Variants in PPFIA2 observed in about 807,000 individuals in gnomAD.
PPFIA2 encodes the protein liprin-alpha-2.
PPFIA2 carries 46 observed loss-of-function variants against 175.5 expected under a neutral mutation model. The observed-to-expected ratio is 0.26, with a 90% CI of 0.21 to 0.34. PPFIA2 has a LOEUF of 0.34. Ranked by LOEUF, PPFIA2 falls within the 10% of genes least tolerant of loss-of-function variation. The pLI, the probability that PPFIA2 is intolerant of heterozygous loss-of-function variation, is 1.00. For synonymous variants in PPFIA2, 568 were observed against 511.4 expected, an observed-to-expected ratio of 1.11 and a Z score of -1.49; for missense variants, 1,179 against 1,506.1, an observed-to-expected ratio of 0.78 and a Z score of 3.60.
chr12:81,445,780 A>G (rs753424521), intron 5 of PPFIA2, 60 bp from the exon 6 acceptor site: 44 of 1,488,762 alleles, frequency 3.0e-5, no homozygotes, highest in Non-Finnish European at 4.0e-5. Flanking sequence ...ATACTTACAA[A>G]TGACTTCCCC....
At chr12:81,691,851 T>C (rs1305356603) in intron 3 of PPFIA2, among the ~76,000 whole-genome samples, 5 of 152,046 alleles carry the variant, frequency 3.3e-5, no homozygotes, top group Non-Finnish European at 2.9e-5. Context: ...AAAAGATAAA[T>C]TTTATTTTAT....
At chr12:81,368,503 T>C (rs188819514) in intron 13 of PPFIA2, among the ~76,000 whole-genome samples, 24 of 151,924 alleles carry the variant, frequency 1.6e-4, no homozygotes, top group African/African-American at 5.5e-4. Context: ...TATGAACATG[T>C]GAATATAAAA....
At chr12:81,327,053 A>G (rs2054936523) in intron 21 of PPFIA2, among the ~76,000 whole-genome samples, 2 of 152,086 alleles carry the variant, frequency 1.3e-5, no homozygotes, top group South Asian at 4.1e-4. Context: ...GCAAATTTTG[A>G]TGTTACTGTT....
chr12:81,425,850 T>A (rs1469674787), intron 7 of PPFIA2, among the ~76,000 whole-genome samples: 1 of 152,170 alleles, frequency 6.6e-6, no homozygotes, highest in Non-Finnish European at 1.5e-5. Context: ...TTTATCAACA[T>A]GTTATTAATT....
At chr12:81,445,216 G>T (rs1333622791) in intron 6 of PPFIA2, among the ~76,000 whole-genome samples, 1 of 106,192 alleles carries the variant, frequency 9.4e-6, no homozygotes, top group Non-Finnish European at 1.8e-5. Flanking sequence ...TGGGGGGGGG[G>T]GAGGGGGGAG....
intron 22 of PPFIA2, among the ~76,000 whole-genome samples, chr12:81,301,447 G>A (rs1300968174): frequency 6.6e-6 from 1 of 152,088 alleles, no homozygotes; most frequent in Non-Finnish European, 1.5e-5. Flanking sequence ...TCTATGAGTT[G>A]TACAAAAGCT....
chr12:81,484,570 C>G (rs1291398665), intron 4 of PPFIA2, among the ~76,000 whole-genome samples: 1 of 151,882 alleles, frequency 6.6e-6, no homozygotes, highest in African/African-American at 2.4e-5. Flanking sequence ...TAAGTATACT[C>G]CCATGAATTC....
At chr12:81,705,965 A>G (rs1286473729) in intron 3 of PPFIA2, among the ~76,000 whole-genome samples, 1 of 152,198 alleles carries the variant, frequency 6.6e-6, no homozygotes, top group Non-Finnish European at 1.5e-5. Context: ...TGTTAAAATG[A>G]TATTTTGGAT....
intron 8 of PPFIA2, among the ~76,000 whole-genome samples, chr12:81,396,302 G>A (rs1428440348): frequency 6.6e-6 from 1 of 152,022 alleles, no homozygotes; most frequent in Non-Finnish European, 1.5e-5. Context: ...ATCTAACTGG[G>A]CTGGCAGACA....
chr12:81,357,489 G>T (rs758315862), intron 16 of PPFIA2, among the ~76,000 whole-genome samples: 31 of 152,164 alleles, frequency 2.0e-4, no homozygotes, highest in Non-Finnish European at 1.2e-4. Flanking sequence ...CAAACAGCTT[G>T]CAAATTTTAA....
intron 22 of PPFIA2, among the ~76,000 whole-genome samples, chr12:81,314,193 AC>A (rs1364046287): frequency 6.6e-6 from 1 of 151,862 alleles, no homozygotes; most frequent in Non-Finnish European, 1.5e-5. Flanking sequence ...GTTATAAATG[AC>A]CCATATTTTG....
In PPFIA2 at chr12:81,375,868, T is replaced by C; in HGVS notation, c.1059A>G (p.Glu353=). 1 of 1,610,466 alleles carries C rather than the reference T, an allele frequency of 6.2e-7. No individual in the cohort carries two copies. ...LEKRYLSAQR[E]STSIHDMNDK... is the part of the protein sequence containing the mutation. ...CATTCATGTCATGTATGGAGGTAGA[T>C]TCTCTCTGAGCACTGAGGTAACGCT... Residue 353 remains glutamate, a synonymous_variant, in exon 10 of 33, where the codon GAA becomes GAG. Coordinates refer to ENST00000549396, the MANE Select transcript of PPFIA2 (RefSeq NM_003625.5).
rs748812574 is a variant in PPFIA2 at position 81,261,936 on chromosome 12, G to A, written c.*33+13C>T. ...GTCTTTTTTTTTTTGTCAGCCAAAG[G>A]GAAACTACTCACAGCAGGTCAGTGC... On this transcript the variant is annotated intron_variant, in intron 32 of 32. Coordinates refer to ENST00000549396, the MANE Select transcript of PPFIA2 (RefSeq NM_003625.5). 65 of 1,532,660 alleles carry A rather than the reference G, an allele frequency of 4.2e-5. No individual in the cohort carries two copies. Among genetic ancestry groups the A allele is most frequent in the Non-Finnish European group, 3.5e-5 (40 of 1,130,880 alleles). 94.9% of individuals were successfully genotyped at this position (1,532,660 alleles called of 1,614,324 possible).
At chr12:81,296,851 T>C (rs2046570730) in intron 23 of PPFIA2, 1 of 152,164 alleles carries the variant, frequency 6.6e-6, no homozygotes, top group Non-Finnish European at 1.5e-5. Context: ...TATTTCTCTC[T>C]ACCTCCTGAT....
At chr12:81,745,491 C>CT (rs1451148471) in intron 3 of PPFIA2, among the ~76,000 whole-genome samples, 2 of 152,024 alleles carry the variant, frequency 1.3e-5, no homozygotes, top group Admixed American at 1.3e-4. Flanking sequence ...AAGCAATGAC[C>CT]TTTTTTTTCT....
rs2034454871 is a variant in PPFIA2, at chr12:81,258,604, CTTTCA to C, written c.*1085_*1089del. The C allele has an allele frequency of 6.6e-6, 1 of 152,128 alleles. No individual in the cohort carries two copies. Among genetic ancestry groups the C allele is most frequent in the African/African-American group, 2.4e-5 (1 of 41,440 alleles). The allele number at this position is 152,128 out of a possible 1,614,324, so 9.4% of individuals were successfully genotyped here. ...ACACTATATATGTTAATCATTCTGTCTTTCATTTATTTCCTCTGATAAAACTGACT... is the reference window on the plus strand; with the variant it reads ...ACACTATATATGTTAATCATTCTGTCTTTATTTCCTCTGATAAAACTGACT... On this transcript the variant is annotated 3_prime_UTR_variant, in exon 33 of 33. Transcript: ENST00000549396.
At chr12:81,701,521 C>G (rs563280000) in intron 3 of PPFIA2, among the ~76,000 whole-genome samples, 1 of 152,188 alleles carries the variant, frequency 6.6e-6, no homozygotes, top group South Asian at 2.1e-4. Context: ...TGTCAGGCTA[C>G]TTGGGCTCAA....
At chr12:81,439,146 C>CT (rs1164664902) in intron 7 of PPFIA2, among the ~76,000 whole-genome samples, 1 of 149,628 alleles carries the variant, frequency 6.7e-6, no homozygotes, top group Non-Finnish European at 1.5e-5. Context: ...ACAGGTTAAA[C>CT]TTCTCTCTCT....
chr12:81,444,209 C>A (rs561373687), intron 6 of PPFIA2, among the ~76,000 whole-genome samples: 1 of 152,186 alleles, frequency 6.6e-6, no homozygotes, highest in Admixed American at 6.5e-5. Context: ...ACAGTCACAG[C>A]TTTTTCTGTG....
Sources: allele counts gnomAD v4.1 joint callset (sites outside exome capture counted in the v4.1 genomes callset), GRCh38; gene constraint gnomAD v4.1.1; transcripts MANE v1.5; gene names NCBI Gene and HGNC (gene_info 2026-07-23, HGNC 2026-07-21).